Variants in TICRR observed in about 807,000 individuals in gnomAD.
TICRR encodes the protein TOPBP1 interacting checkpoint and replication regulator.
Under a neutral mutation model 178.1 loss-of-function variants are expected in TICRR, and 132 were observed. The ratio of observed to expected loss-of-function variants is 0.74; its 90% CI spans 0.64 to 0.86. The LOEUF (loss-of-function observed/expected upper bound fraction) is 0.86. Among genes scored for constraint, TICRR ranks in the 40% least tolerant of loss-of-function variants. The pLI, the probability that TICRR is intolerant of heterozygous loss-of-function variation, is 0.00. For missense variants in TICRR, 2,587 were observed against 2,334.3 expected (o/e 1.11, Z -2.23); for synonymous variants, 991 against 900.7 (o/e 1.10, Z -1.79).
chr15:89,592,227 G>T, intron 5 of TICRR, 51 bp downstream of exon 5: 1 of 1,532,280 alleles, frequency 6.5e-7, no homozygotes, highest in Non-Finnish European at 9.0e-7. Context: ...TCAACGTTCA[G>T]TTATCTGCAT....
intron 15 of TICRR, among the ~76,000 whole-genome samples, chr15:89,609,497 G>T (rs974993380): frequency 1.3e-5 from 2 of 151,306 alleles, no homozygotes; most frequent in African/African-American, 2.4e-5. Context: ...TTGAGTCAGA[G>T]TCTCACTCAC....
At chr15:89,588,082 G>A (rs903393476) in intron 4 of TICRR, among the ~76,000 whole-genome samples, 4 of 152,168 alleles carry the variant, frequency 2.6e-5, no homozygotes, top group African/African-American at 9.7e-5. Flanking sequence ...GGGCTGGGAT[G>A]CCAAGGTGAG....
At chr15:89,613,734 C>CTTTTTTTTTTTTTTTTTTT (rs34162195) in intron 15 of TICRR, among the ~76,000 whole-genome samples, 3 of 61,570 alleles carry the variant, frequency 4.9e-5, no homozygotes, top group African/African-American at 7.5e-5. Flanking sequence ...TTTCTATTCG[C>CTTTTTTTTTTTTTTTTTTT]TTTTTTTTTT....
At chr15:89,598,252 C>T (rs1463582064) in intron 7 of TICRR, among the ~76,000 whole-genome samples, 2 of 152,020 alleles carry the variant, frequency 1.3e-5, no homozygotes, top group Non-Finnish European at 2.9e-5. Context: ...GGATTACAGG[C>T]GTGAGCCACC....
chr15:89,625,543 C>T lies in TICRR; in HGVS notation c.5233C>T (p.Gln1745Ter). Residue 1745 changes from glutamine (Q) to a stop codon, truncating the protein, a stop_gained, in exon 20 of 22, where the codon CAG (glutamine) becomes TAG (stop). Transcript: ENST00000268138. LOFTEE classifies it high-confidence loss of function. The part of the protein sequence containing the change: ...LEDFELEGVC[Q>*]LPDQSPPRNS... ...GGATTTTGAGCTCGAGGGAGTGTGCCAGCTCCCAGACCAGTCGCCTCCCAG... is the reference window on the plus strand; with the variant it reads ...GGATTTTGAGCTCGAGGGAGTGTGCTAGCTCCCAGACCAGTCGCCTCCCAG... 1 of 1,613,422 alleles carries T rather than the reference C, an allele frequency of 6.2e-7. No homozygotes were observed. The highest frequency in any genetic ancestry group is 1.1e-5 in the South Asian group (1 of 91,078).
intron 1 of TICRR, among the ~76,000 whole-genome samples, chr15:89,577,799 C>T (rs201765635): frequency 4.6e-5 from 7 of 151,352 alleles, no homozygotes; most frequent in African/African-American, 7.3e-5. Context: ...TTAGTAGAGA[C>T]GGAGTTTCAC....
In TICRR at chr15:89,576,067, C is replaced by T; in HGVS notation, c.481C>T (p.Pro161Ser). The T allele has an allele frequency of 6.2e-7, 1 of 1,611,980 alleles. No homozygotes were observed. The change falls in exon 1 of 22, where the codon CCG (proline) becomes TCG (serine). Residue 161 changes from proline (P) to serine (S), a missense_variant. By Grantham distance (74) the Pro-to-Ser change is moderately conservative (BLOSUM62 -1). Coordinates refer to ENST00000268138, the MANE Select transcript of TICRR (RefSeq NM_152259.4). ...CGCCGTCTTCCTCCTGGCCCCCTGT[C>T]CGCACTCGCAGAGGGAGCTGCTGCA... is the stretch of plus-strand genomic sequence containing the variant. ...VNAVFLLAPCPHSQRELLQFV... is the reference protein window; with the variant it reads ...VNAVFLLAPCSHSQRELLQFV...
chr15:89,608,742 C>T (rs929533657), intron 14 of TICRR, 61 bp from the exon 15 acceptor site: 50 of 1,424,172 alleles, frequency 3.5e-5, no homozygotes, highest in African/African-American at 7.4e-5. Context: ...TTCTCAGATA[C>T]GGCATTTATT....
At chr15:89,612,682 T>C (rs542921826) in intron 15 of TICRR, among the ~76,000 whole-genome samples, 1 of 152,332 alleles carries the variant, frequency 6.6e-6, no homozygotes, top group South Asian at 2.1e-4. Context: ...TTTTTTCTAG[T>C]TTACTAGTTA....
chr15:89,614,351 G>A (rs186419937), intron 15 of TICRR, among the ~76,000 whole-genome samples: 28 of 142,764 alleles, frequency 2.0e-4, no homozygotes, highest in African/African-American at 6.3e-4. Flanking sequence ...GTCTTGCTCT[G>A]TCACTCAGGC....
chr15:89,578,029 A>T (rs115969068), intron 1 of TICRR, among the ~76,000 whole-genome samples: 1,608 of 152,272 alleles, frequency 0.011, 39 homozygotes, highest in African/African-American at 0.037. Flanking sequence ...AAATGAACTT[A>T]GTTTGTTTCA....
At chr15:89,583,422 A>T (rs1456044685) in intron 2 of TICRR, among the ~76,000 whole-genome samples, 1 of 152,238 alleles carries the variant, frequency 6.6e-6, no homozygotes, top group African/African-American at 2.4e-5. Flanking sequence ...TAGTTTCACC[A>T]TATGATTTGC....
intron 21 of TICRR, among the ~76,000 whole-genome samples, chr15:89,626,449 C>T (rs986540628): frequency 2.6e-5 from 4 of 152,180 alleles, no homozygotes; most frequent in African/African-American, 7.2e-5. Flanking sequence ...CGGTGGGACA[C>T]AGTACTGACT....
At position 89,600,727 on chromosome 15, in the gene TICRR, C is replaced by T. The variant is rs969638999; in HGVS notation, c.2153+42C>T. 4.2e-6 allele frequency: 4 copies of T among 959,068 alleles called. No homozygotes were observed. In the South Asian group the frequency reaches 6.1e-5, roughly 15 times the overall value. The allele number at this position is 959,068 out of a possible 1,614,324, so 59.4% of individuals were successfully genotyped here. ...TTTTAAAAAATCATCACTCTAAAAG[C>T]TGTGAGATTAGCTCGTATCAGTTTA... On this transcript the variant is annotated intron_variant, in intron 9 of 21. Coordinates refer to ENST00000268138, the MANE Select transcript of TICRR (RefSeq NM_152259.4).
intron 16 of TICRR, among the ~76,000 whole-genome samples, chr15:89,617,302 T>A (rs896165946): frequency 1.3e-5 from 2 of 152,190 alleles, no homozygotes; most frequent in African/African-American, 4.8e-5. Flanking sequence ...AAAGTGAAAT[T>A]GGTGGGTCAG....
chr15:89,599,120 A>T (rs1963049777), intron 7 of TICRR, among the ~76,000 whole-genome samples: 1 of 151,880 alleles, frequency 6.6e-6, no homozygotes, highest in Non-Finnish European at 1.5e-5. Flanking sequence ...TATGTATTGT[A>T]GGATGTTTAA....
intron 4 of TICRR, 24 bp downstream of exon 4, chr15:89,585,966 A>T (rs1301380969): frequency 1.9e-6 from 3 of 1,595,762 alleles, no homozygotes; most frequent in Non-Finnish European, 8.6e-7. Flanking sequence ...CTAGTAACTA[A>T]CAGAGTCTAG....
intron 8 of TICRR, 70 bp downstream of exon 8, chr15:89,599,545 G>C: frequency 1.3e-6 from 2 of 1,503,860 alleles, no homozygotes; most frequent in Non-Finnish European, 1.8e-6. Context: ...GGTGGATTTG[G>C]TTAGTGTCTT....
In TICRR at chr15:89,621,567, A is replaced by G. The variant is rs2141981675; in HGVS notation, c.3312+17A>G. The G allele has an allele frequency of 6.3e-7, 1 of 1,595,748 alleles. No homozygotes were observed. The highest frequency in any genetic ancestry group is 2.2e-5 in the East Asian group (1 of 44,730). On this transcript the variant is annotated intron_variant, in intron 19 of 21. Coordinates refer to ENST00000268138, the MANE Select transcript of TICRR (RefSeq NM_152259.4). The stretch of plus-strand genomic sequence containing the variant: ...GCTTACCAGGTATAATGTTTCTGTA[A>G]TGTTTGAAATAATATAATCTCCTGG...
Sources: gnomAD v4.1 joint callset for allele counts (sites outside exome capture counted in the v4.1 genomes callset) on GRCh38, gnomAD v4.1.1 for gene constraint, MANE v1.5 for transcripts, NCBI Gene and HGNC (gene_info 2026-07-23, HGNC 2026-07-21) for gene names.